CDH6: variants seen among roughly 807,000 people sequenced by gnomAD.
The protein encoded by CDH6 is cadherin-6.
In CDH6, 31 loss-of-function variants were observed where a neutral mutation model predicts 78.0. That is an observed-to-expected ratio of 0.40 (90% CI 0.30 to 0.54). The LOEUF (loss-of-function observed/expected upper bound fraction) is 0.54, where lower values mean the gene tolerates loss of function less well. Ranked by LOEUF, CDH6 falls within the 20% of genes least tolerant of loss-of-function variation. The pLI is 0.56. For synonymous variants in CDH6, 376 were observed against 368.8 expected (o/e 1.02, Z -0.23); for missense variants, 724 against 975.9 (o/e 0.74, Z 3.44).
intron 1 of CDH6, among the ~76,000 whole-genome samples, chr5:31,242,048 T>C (rs1561038547): frequency 6.6e-6 from 1 of 152,186 alleles, no homozygotes; most frequent in East Asian, 1.9e-4. Flanking sequence ...CACAGTGGCA[T>C]AGTTTTTCCC....
intron 1 of CDH6, among the ~76,000 whole-genome samples, chr5:31,266,953 A>G (rs1579865411): frequency 2.6e-5 from 4 of 152,234 alleles, no homozygotes; most frequent in Non-Finnish European, 5.9e-5. Context: ...ATGGTCTGTG[A>G]TATACTTTGC....
Position 31,322,796 on chromosome 5 carries a change from CTGTTT to C in CDH6, c.1883-15_1883-11del. On this transcript the variant is annotated splice_polypyrimidine_tract_variant and intron_variant, in intron 11 of 11. Transcript: ENST00000265071. ...AGCAAATTAACTTTTCCTTCCCTTT[CTGTTT>C]TGTTTTCTGCTTCCAGTGACAGTGG... 3 of 1,590,972 alleles carry C rather than the reference CTGTTT, an allele frequency of 1.9e-6. No homozygotes were observed. Among genetic ancestry groups the C allele is most frequent in the Non-Finnish European group, 2.6e-6 (3 of 1,167,136 alleles).
chr5:31,198,365 T>G (rs566238497), intron 1 of CDH6, among the ~76,000 whole-genome samples: 79 of 152,268 alleles, frequency 5.2e-4, no homozygotes, highest in Non-Finnish European at 9.9e-4. Context: ...AATGCCAGAG[T>G]GTTAATATTA....
chr5:31,215,602 G>A (rs1740840898), intron 1 of CDH6, among the ~76,000 whole-genome samples: 2 of 151,628 alleles, frequency 1.3e-5, no homozygotes, highest in Non-Finnish European at 2.9e-5. Flanking sequence ...TCTCATTGTG[G>A]GTATTCAAAG....
At chr5:31,198,147 C>A (rs962363117) in intron 1 of CDH6, among the ~76,000 whole-genome samples, 79 of 152,128 alleles carry the variant, frequency 5.2e-4, no homozygotes, top group African/African-American at 1.9e-3. Flanking sequence ...TTGAACTCTC[C>A]AAGAAACTTT....
chr5:31,207,358 C>A lies in CDH6; in HGVS notation c.-129+13472C>A, dbSNP rs552283096. Among the ~76,000 whole-genome samples the A allele has an allele frequency of 5.3e-5, 8 of 152,248 alleles. No individual in the cohort carries two copies. In the South Asian group the frequency reaches 1.2e-3, roughly 24 times the overall value. ...CACTCCTTGCTAATATCCAGCTGACCAGTGCTCCCACTCATCTTCACCTGG... is the reference window on the plus strand; with the variant it reads ...CACTCCTTGCTAATATCCAGCTGACAAGTGCTCCCACTCATCTTCACCTGG... On this transcript the variant is annotated intron_variant, in intron 1 of 11. Transcript: ENST00000265071.
rs768990381 is a variant in CDH6 at position 31,323,272 on chromosome 5, T to G, written c.2337T>G (p.Asp779Glu). The change falls in exon 12 of 12, where the codon GAT (aspartate) becomes GAG (glutamate). Residue 779 changes from aspartate (D) to glutamate (E), a missense_variant. Coordinates refer to ENST00000265071, the MANE Select transcript of CDH6 (RefSeq NM_004932.4). ...DWGPRFKKLADMYGGVDSDKD... is the reference protein window; with the variant it reads ...DWGPRFKKLAEMYGGVDSDKD... Reference sequence around the variant, plus strand: ...GACCTCGATTCAAAAAGCTTGCAGATATGTATGGAGGAGTGGACAGTGACA... The same window carrying G: ...GACCTCGATTCAAAAAGCTTGCAGAGATGTATGGAGGAGTGGACAGTGACA... 98 of 1,613,906 alleles carry G rather than the reference T, an allele frequency of 6.1e-5. No homozygotes were observed. The highest frequency in any genetic ancestry group is 8.1e-5 in the Non-Finnish European group (95 of 1,179,886).
intron 1 of CDH6, among the ~76,000 whole-genome samples, chr5:31,226,244 G>A (rs904578935): frequency 1.1e-4 from 16 of 151,956 alleles, no homozygotes; most frequent in African/African-American, 3.1e-4. Flanking sequence ...GCAAAATCTC[G>A]GCTCACTGCA....
chr5:31,266,773 G>T (rs1218551964), intron 1 of CDH6, among the ~76,000 whole-genome samples: 1 of 152,188 alleles, frequency 6.6e-6, no homozygotes, highest in African/African-American at 2.4e-5. Context: ...ACTCCGAAAA[G>T]AAGGTGTATG....
In CDH6 at chr5:31,206,289, A is replaced by G. The variant is rs76290659; in HGVS notation, c.-129+12403A>G. 1.6e-3 allele frequency among the ~76,000 whole-genome samples: 246 copies of G among 152,352 alleles called. 8 individuals are homozygous for G. The South Asian group carries it at 0.03, about 19-fold the overall frequency. On this transcript the variant is annotated intron_variant, in intron 1 of 11. Transcript: ENST00000265071. ...AGGTATGGGTATTTTATATATACATATATCTTATATGTAACATGTACACAT... is the reference window on the plus strand; with the variant it reads ...AGGTATGGGTATTTTATATATACATGTATCTTATATGTAACATGTACACAT...
intron 1 of CDH6, among the ~76,000 whole-genome samples, chr5:31,254,964 AAACTC>A (rs1742015562): frequency 6.6e-6 from 1 of 152,236 alleles, no homozygotes; most frequent in Non-Finnish European, 1.5e-5. Flanking sequence ...TTAGAACTAA[AAACTC>A]AATATCATCA....
intron 2 of CDH6, among the ~76,000 whole-genome samples, chr5:31,274,409 G>T (rs1411615961): frequency 6.6e-6 from 1 of 152,170 alleles, no homozygotes; most frequent in East Asian, 1.9e-4. Flanking sequence ...CTGGCCAGCC[G>T]CACAGCAGAG....
intron 1 of CDH6, among the ~76,000 whole-genome samples, chr5:31,195,161 T>C (rs887537262): frequency 1.3e-5 from 2 of 152,142 alleles, no homozygotes; most frequent in African/African-American, 4.8e-5. Flanking sequence ...ATCTTCACTT[T>C]CACTTCGTAA....
At chr5:31,242,316 C>T (rs1157780570) in intron 1 of CDH6, among the ~76,000 whole-genome samples, 2 of 152,114 alleles carry the variant, frequency 1.3e-5, no homozygotes, top group Non-Finnish European at 2.9e-5. Flanking sequence ...TCTAGATCAG[C>T]TAAATGTTAA....
intron 1 of CDH6, among the ~76,000 whole-genome samples, chr5:31,246,961 G>A (rs1020364523): frequency 2.0e-5 from 3 of 152,156 alleles, no homozygotes; most frequent in African/African-American, 7.2e-5. Context: ...ATGTTAGCCA[G>A]GCTGGTCTTG....
At chr5:31,312,038 C>G (rs932775526) in intron 7 of CDH6, among the ~76,000 whole-genome samples, 7 of 152,226 alleles carry the variant, frequency 4.6e-5, no homozygotes, top group African/African-American at 1.7e-4. Context: ...AACTCTCCTT[C>G]TTAAATATTT....
intron 1 of CDH6, among the ~76,000 whole-genome samples, chr5:31,256,276 T>C (rs186665437): frequency 1.6e-4 from 24 of 152,218 alleles, no homozygotes; most frequent in Non-Finnish European, 3.5e-4. Context: ...GGATTACTGA[T>C]GTCTCAAATG....
chr5:31,263,302 A>G (rs1029975969), intron 1 of CDH6, among the ~76,000 whole-genome samples: 1 of 144,082 alleles, frequency 6.9e-6, no homozygotes, highest in Non-Finnish European at 1.5e-5. Flanking sequence ...CTTGTCGCCC[A>G]GGCTGGAGTG....
intron 1 of CDH6, among the ~76,000 whole-genome samples, chr5:31,253,112 C>T (rs1379371238): frequency 1.3e-5 from 2 of 152,206 alleles, no homozygotes; most frequent in Non-Finnish European, 2.9e-5. Flanking sequence ...CTTCCTGATT[C>T]ATGGACTATC....
Sources: gnomAD v4.1 joint callset for allele counts (sites outside exome capture counted in the v4.1 genomes callset) on GRCh38, gnomAD v4.1.1 for gene constraint, MANE v1.5 for transcripts, NCBI Gene and HGNC (gene_info 2026-07-23, HGNC 2026-07-21) for gene names.